Variants in RSPH9 observed in about 807,000 individuals in gnomAD.
RSPH9 encodes radial spoke head protein 9 homolog.
Under a neutral mutation model 27.0 loss-of-function variants are expected in RSPH9, and 27 were observed. That is an observed-to-expected ratio of 1.00 (90% CI 0.74 to 1.38). The LOEUF is 1.38. Ranked by LOEUF, RSPH9 falls within the 40% of genes most tolerant of loss-of-function variation. The pLI is 0.00. For synonymous variants in RSPH9, 145 were observed against 147.7 expected, an observed-to-expected ratio of 0.98 and a Z score of 0.13; for missense variants, 347 against 357.4, an observed-to-expected ratio of 0.97 and a Z score of 0.24.
intron 4 of RSPH9, chr6:43,666,480 G>A (rs574470769): frequency 6.4e-7 from 1 of 1,550,544 alleles, no homozygotes; most frequent in Admixed American, 2.0e-5. Context: ...GTGTGGTTTT[G>A]GTTGGCCCTG....
chr6:43,645,547 G>T (rs1312464861), intron 1 of RSPH9, among the ~76,000 whole-genome samples: 2 of 152,228 alleles, frequency 1.3e-5, no homozygotes, highest in Non-Finnish European at 2.9e-5. Flanking sequence ...CGGAATCTGA[G>T]GCTAGGGCGG....
intron 4 of RSPH9, among the ~76,000 whole-genome samples, chr6:43,666,849 G>T (rs898669015): frequency 6.6e-6 from 1 of 152,188 alleles, no homozygotes; most frequent in Non-Finnish European, 1.5e-5. Context: ...CTGGGTTCAA[G>T]CAATTCTCCT....
intron 2 of RSPH9, among the ~76,000 whole-genome samples, chr6:43,652,717 T>A (rs1771606651): frequency 6.8e-6 from 1 of 146,658 alleles, no homozygotes; most frequent in African/African-American, 2.6e-5. Flanking sequence ...TGAGCCACCA[T>A]GCCCAACTTC....
intron 2 of RSPH9, among the ~76,000 whole-genome samples, chr6:43,650,905 T>TAAA (rs57197298): frequency 2.0e-5 from 2 of 99,912 alleles, no homozygotes; most frequent in African/African-American, 6.1e-5. Flanking sequence ...ACCCTGTCTA[T>TAAA]AAAAAAAAAA....
chr6:43,656,532 G>A, intron 3 of RSPH9, 45 bp from the exon 4 acceptor site: 2 of 1,613,012 alleles, frequency 1.2e-6, no homozygotes. Context: ...GGGGCTGGGG[G>A]GTTTTGGGCT....
rs1458565912 is a variant in RSPH9 at position 43,670,978 on chromosome 6, C to T, written c.*29C>T. ...GGGAGCCAGCCTGGATGTTTTTAAA[C>T]AGAGTCTAAACATGATTTTCTTAAG... On this transcript the variant is annotated 3_prime_UTR_variant, in exon 5 of 5. Coordinates refer to ENST00000372163, the MANE Select transcript of RSPH9 (RefSeq NM_152732.5). The T allele has an allele frequency of 6.2e-7, 1 of 1,613,796 alleles. No individual in the cohort carries two copies. Among genetic ancestry groups the T allele is most frequent in the East Asian group, 2.2e-5 (1 of 44,878 alleles).
At chr6:43,666,154 G>A (rs755397569) in intron 4 of RSPH9, among the ~76,000 whole-genome samples, 3 of 152,166 alleles carry the variant, frequency 2.0e-5, no homozygotes, top group Non-Finnish European at 4.4e-5. Context: ...ACGATGGTTC[G>A]ATGAGGGTCA....
At chr6:43,665,471 G>A (rs1773046759) in intron 4 of RSPH9, among the ~76,000 whole-genome samples, 2 of 152,358 alleles carry the variant, frequency 1.3e-5, no homozygotes, top group South Asian at 2.1e-4. Flanking sequence ...TTGCATTCCA[G>A]CCTGGTGAGC....
intron 4 of RSPH9, among the ~76,000 whole-genome samples, chr6:43,667,246 A>C (rs1332848327): frequency 6.6e-6 from 1 of 152,212 alleles, no homozygotes; most frequent in Admixed American, 6.5e-5. Flanking sequence ...GGTGCCTTGC[A>C]AGCATCGGTG....
At chr6:43,669,605 G>A (rs901850584) in intron 4 of RSPH9, among the ~76,000 whole-genome samples, 4 of 152,246 alleles carry the variant, frequency 2.6e-5, no homozygotes, top group Non-Finnish European at 5.9e-5. Flanking sequence ...GCGCATGGCT[G>A]GCTGGTCCAA....
intron 1 of RSPH9, among the ~76,000 whole-genome samples, chr6:43,649,359 T>G (rs1771206882): frequency 6.6e-6 from 1 of 151,706 alleles, no homozygotes; most frequent in African/African-American, 2.4e-5. Context: ...CCAGCTAATT[T>G]TTTTGTATTT....
Position 43,650,468 on chromosome 6 carries a change from A to G in RSPH9, c.321A>G (p.Pro107=), listed in dbSNP as rs1356331746. The change falls in exon 2 of 5, where the codon CCA becomes CCG. Residue 107 remains proline (P), a synonymous_variant. Transcript: ENST00000372163. ...TGAAGGGCCGCTTCATGGGGGACCCATCATACGAATATGAACACACTGAGC... is the reference window on the plus strand; with the variant it reads ...TGAAGGGCCGCTTCATGGGGGACCCGTCATACGAATATGAACACACTGAGC... ...SVVKGRFMGD[P]SYEYEHTELQ... 1.9e-6 allele frequency: 3 copies of G among 1,614,218 alleles called. No homozygotes were observed. Among genetic ancestry groups the G allele is most frequent in the Admixed American group, 1.7e-5 (1 of 60,010 alleles).
intron 4 of RSPH9, among the ~76,000 whole-genome samples, chr6:43,669,694 C>T (rs1019093837): frequency 6.6e-5 from 10 of 152,236 alleles, no homozygotes; most frequent in South Asian, 2.1e-4. Context: ...GGCCTCAGTG[C>T]GCAGGGGAAT....
At chr6:43,650,806 T>G (rs561137746) in intron 2 of RSPH9, among the ~76,000 whole-genome samples, 7 of 150,764 alleles carry the variant, frequency 4.6e-5, no homozygotes, top group Middle Eastern at 3.4e-3. Flanking sequence ...CTCGGGAGGC[T>G]GAGGCAGGAG....
In RSPH9 at chr6:43,671,139, G is replaced by T. The variant is rs1257254316; in HGVS notation, c.*190G>T. The T allele has an allele frequency of 1.5e-6, 1 of 669,220 alleles. No homozygotes were observed. The highest frequency in any genetic ancestry group is 2.6e-6 in the Non-Finnish European group (1 of 391,684). The allele number at this position is 669,220 out of a possible 1,614,324, so 41.5% of individuals were successfully genotyped here. A position where few individuals can be genotyped will look rare whatever the true frequency, so the allele number is the denominator to read the frequency against. On this transcript the variant is annotated 3_prime_UTR_variant, in exon 5 of 5. Coordinates refer to ENST00000372163, the MANE Select transcript of RSPH9 (RefSeq NM_152732.5). ...GGCAGAGGGGTTGGAATGTGCTAAT[G>T]AAAGAGATTCTAGACAACGATGGGT...
chr6:43,671,555 G>A lies in RSPH9; in HGVS notation c.*606G>A. ...ATAGCAGCTGGCAAGGGACCCAACT[G>A]CCCTGCCTGCCTCTAGCTCCCAGCA... On this transcript the variant is annotated 3_prime_UTR_variant, in exon 5 of 5. Coordinates refer to ENST00000372163, the MANE Select transcript of RSPH9 (RefSeq NM_152732.5). The A allele has an allele frequency of 1.6e-6, 1 of 615,336 alleles. No homozygotes were observed. The highest frequency in any genetic ancestry group is 2.8e-6 in the Non-Finnish European group (1 of 352,968). 38.1% of individuals were successfully genotyped at this position (615,336 alleles called of 1,614,324 possible). A position where few individuals can be genotyped will look rare whatever the true frequency, so the allele number is the denominator to read the frequency against.
At chr6:43,658,807 G>A (rs1251516573) in intron 4 of RSPH9, among the ~76,000 whole-genome samples, 6 of 152,142 alleles carry the variant, frequency 3.9e-5, no homozygotes, top group African/African-American at 7.2e-5. Flanking sequence ...ACCTTCCAAA[G>A]TGCTGGGATT....
chr6:43,667,694 CCT>C (rs1441799026), intron 4 of RSPH9, among the ~76,000 whole-genome samples: 1 of 152,208 alleles, frequency 6.6e-6, no homozygotes, highest in Non-Finnish European at 1.5e-5. Context: ...TCCTCCTCCT[CCT>C]CTGTCCTCAG....
intron 1 of RSPH9, among the ~76,000 whole-genome samples, chr6:43,646,016 G>C (rs1022412251): frequency 1.3e-5 from 2 of 150,764 alleles, no homozygotes; most frequent in Admixed American, 6.6e-5. Context: ...GTGCAGTGTC[G>C]CTATCTTGGT....
Sources: allele counts gnomAD v4.1 joint callset (sites outside exome capture counted in the v4.1 genomes callset), GRCh38; gene constraint gnomAD v4.1.1; transcripts MANE v1.5; gene names NCBI Gene and HGNC (gene_info 2026-07-23, HGNC 2026-07-21).